SHLD1: variants seen among roughly 807,000 people sequenced by gnomAD.
SHLD1 encodes shieldin complex subunit 1, also known as RINN1-REV7-interacting novel NHEJ regulator 3.
In SHLD1, 3 loss-of-function variants were observed where a neutral mutation model predicts 5.5. The observed-to-expected ratio is 0.54, with a 90% CI of 0.25 to 1.40. The LOEUF (loss-of-function observed/expected upper bound fraction) is 1.40. Among genes scored for constraint, SHLD1 ranks in the 40% most tolerant of loss-of-function variants. The pLI is 0.15. For missense variants in SHLD1, 210 were observed against 244.4 expected, an observed-to-expected ratio of 0.86 and a Z score of 0.94; for synonymous variants, 92 against 94.3, an observed-to-expected ratio of 0.98 and a Z score of 0.14.
At chr20:5,787,324 C>T (rs999360238) in intron 2 of SHLD1, among the ~76,000 whole-genome samples, 11 of 152,188 alleles carry the variant, frequency 7.2e-5, no homozygotes, top group African/African-American at 2.4e-4. Context: ...ACTTTTTCTA[C>T]CCAGAAGAAA....
At chr20:5,841,197 G>A (rs913240053) in intron 2 of SHLD1, among the ~76,000 whole-genome samples, 2 of 151,580 alleles carry the variant, frequency 1.3e-5, no homozygotes, top group African/African-American at 4.9e-5. Flanking sequence ...GTGTGTGTGT[G>A]TGTGTGCACA....
At chr20:5,807,050 C>A (rs976305844) in intron 2 of SHLD1, among the ~76,000 whole-genome samples, 2 of 152,248 alleles carry the variant, frequency 1.3e-5, no homozygotes, top group Admixed American at 6.5e-5. Context: ...CTGCTTTCAG[C>A]TGGAGCCCTG....
At chr20:5,823,063 C>T (rs1398989786) in intron 2 of SHLD1, among the ~76,000 whole-genome samples, 1 of 132,872 alleles carries the variant, frequency 7.5e-6, no homozygotes, top group East Asian at 2.6e-4. Flanking sequence ...GTCTTTTGTC[C>T]TTCCAAATCC....
chr20:5,821,961 C>T (rs2087611168), intron 2 of SHLD1, among the ~76,000 whole-genome samples: 1 of 152,144 alleles, frequency 6.6e-6, no homozygotes. Flanking sequence ...GACAGTCATA[C>T]AGACCAACCC....
intron 1 of SHLD1, among the ~76,000 whole-genome samples, chr20:5,759,068 C>T (rs1350604722): frequency 1.3e-5 from 2 of 151,122 alleles, no homozygotes; most frequent in Admixed American, 1.3e-4. Flanking sequence ...GATTCTCCTG[C>T]CTCAGCCTCC....
In SHLD1 at chr20:5,783,880, G is replaced by A. The variant is rs555678890; in HGVS notation, c.178+10837G>A. 2.6e-5 allele frequency among the ~76,000 whole-genome samples: 4 copies of A among 152,204 alleles called. No individual in the cohort carries two copies. The East Asian group carries it at 5.8e-4, about 22-fold the overall frequency. On this transcript the variant is annotated intron_variant, in intron 2 of 2. Coordinates refer to ENST00000303142, the MANE Select transcript of SHLD1 (RefSeq NM_152504.4). ...CGAAAACCACTAAGCGGCCGGGTGC[G>A]GTGGCTCACGCCTGTAATCCCAGCA...
chr20:5,752,246 A>T (rs1983793023), intron 1 of SHLD1, among the ~76,000 whole-genome samples: 1 of 152,136 alleles, frequency 6.6e-6, no homozygotes, highest in Non-Finnish European at 1.5e-5. Context: ...AAATAAAAAA[A>T]TTAGCCAGGC....
At position 5,864,302 on chromosome 20, in the gene SHLD1, C is replaced by G. The variant is rs771687953; in HGVS notation, c.*839C>G. ...GAAGGTAACAAATGTGCACCACCCA[C>G]CACAGTATATGTAAGCACAATTATG... is the stretch of plus-strand genomic sequence containing the variant. On this transcript the variant is annotated 3_prime_UTR_variant, in exon 3 of 3. Transcript: ENST00000303142. Among the ~76,000 whole-genome samples, 23 of 152,236 alleles carry G rather than the reference C, an allele frequency of 1.5e-4. No homozygotes were observed. The highest frequency in any genetic ancestry group is 1.5e-5 in the Non-Finnish European group (1 of 68,042).
intron 1 of SHLD1, among the ~76,000 whole-genome samples, chr20:5,764,213 G>GTATATATATATATATA (rs1984692087): frequency 9.5e-6 from 1 of 105,008 alleles, no homozygotes; most frequent in African/African-American, 3.7e-5. Context: ...ATATATTTGT[G>GTATATATATATATATA]TGTGTGTATA....
chr20:5,858,494 A>G (rs946762548), intron 2 of SHLD1, among the ~76,000 whole-genome samples: 1 of 152,200 alleles, frequency 6.6e-6, no homozygotes, highest in Non-Finnish European at 1.5e-5. Flanking sequence ...TCAAATAAGC[A>G]CCTACAACTC....
At chr20:5,837,429 A>G (rs376646842) in intron 2 of SHLD1, among the ~76,000 whole-genome samples, 5 of 152,104 alleles carry the variant, frequency 3.3e-5, no homozygotes, top group Non-Finnish European at 5.9e-5. Flanking sequence ...CCCAGCGTCC[A>G]TTAGCTGTTC....
intron 2 of SHLD1, among the ~76,000 whole-genome samples, chr20:5,851,651 A>G (rs1428914795): frequency 7.2e-5 from 11 of 151,990 alleles, no homozygotes; most frequent in Non-Finnish European, 1.2e-4. Flanking sequence ...TAATTTTAAT[A>G]ATATGTTTTA....
intron 2 of SHLD1, among the ~76,000 whole-genome samples, chr20:5,782,053 T>C (rs1407416277): frequency 1.3e-5 from 2 of 152,274 alleles, no homozygotes; most frequent in South Asian, 2.1e-4. Flanking sequence ...TTAGCTGCAT[T>C]GTTCCCCTCT....
At chr20:5,820,014 C>T (rs1263280032) in intron 2 of SHLD1, among the ~76,000 whole-genome samples, 1 of 152,094 alleles carries the variant, frequency 6.6e-6, no homozygotes, top group Non-Finnish European at 1.5e-5. Flanking sequence ...GTGCTGTGAT[C>T]TCAGCTCACT....
rs912078008 is a variant in SHLD1, at chr20:5,833,791, AAG to A, written c.179-29225_179-29224del. 8.8e-5 allele frequency among the ~76,000 whole-genome samples: 12 copies of A among 136,996 alleles called. No individual in the cohort carries two copies. The East Asian group carries it at 1.2e-3, about 14-fold the overall frequency. 89.9% of individuals were successfully genotyped at this position (136,996 alleles called of 152,430 possible). On this transcript the variant is annotated intron_variant, in intron 2 of 2. Transcript: ENST00000303142. ...ATGTCTAGACAGAGATAGGGAGAAAAAGAGAGAGAAAGAGAGAGGGGGCAGGT... is the reference window on the plus strand; with the variant it reads ...ATGTCTAGACAGAGATAGGGAGAAAAAGAGAGAAAGAGAGAGGGGGCAGGT...
chr20:5,786,535 A>C (rs2087061537), intron 2 of SHLD1, among the ~76,000 whole-genome samples: 1 of 152,158 alleles, frequency 6.6e-6, no homozygotes, highest in Non-Finnish European at 1.5e-5. Context: ...CAGTCGTGCC[A>C]CTGCACTTTA....
chr20:5,860,112 A>C (rs1410959694), intron 2 of SHLD1, among the ~76,000 whole-genome samples: 8 of 99,948 alleles, frequency 8.0e-5, no homozygotes, highest in South Asian at 3.6e-4. Flanking sequence ...TCCAGCCACC[A>C]CCTCCCAACC....
At position 5,863,275 on chromosome 20, in the gene SHLD1, A is replaced by C. The variant is rs1168605819; in HGVS notation, c.430A>C (p.Ser144Arg). Residue 144 changes from serine to arginine, a missense_variant, in exon 3 of 3, where the codon AGT becomes CGT. Physicochemically the swap from Ser to Arg is moderately radical, Grantham distance 110 (BLOSUM62 -1). Coordinates refer to ENST00000303142, the MANE Select transcript of SHLD1 (RefSeq NM_152504.4). ...GGAGAGCCAAAAGTATGCCCTCCGC[A>C]GTTTTCAAATGGCCCGGGTGATCTT... Reference protein sequence around the residue: ...GQESQKYALRSFQMARVIFNR... With the variant: ...GQESQKYALRRFQMARVIFNR... 4 of 1,614,084 alleles carry C rather than the reference A, an allele frequency of 2.5e-6. No homozygotes were observed. In the Admixed American group the frequency reaches 5.0e-5, roughly 20 times the overall value.
chr20:5,782,809 A>G (rs1381077660), intron 2 of SHLD1, among the ~76,000 whole-genome samples: 1 of 152,228 alleles, frequency 6.6e-6, no homozygotes, highest in Non-Finnish European at 1.5e-5. Flanking sequence ...TTGGAATTCT[A>G]TAAAATTTTA....
Sources: allele counts gnomAD v4.1 joint callset (sites outside exome capture counted in the v4.1 genomes callset), GRCh38; gene constraint gnomAD v4.1.1; transcripts MANE v1.5; gene names NCBI Gene and HGNC (gene_info 2026-07-23, HGNC 2026-07-21).